The following HSF5 variants were observed in gnomAD, a reference collection of about 807,000 sequenced individuals.
The protein encoded by HSF5 is heat shock factor protein 5.
A neutral mutation model predicts 50.8 loss-of-function variants in HSF5; 5 were observed. The ratio of observed to expected loss-of-function variants is 0.10; its 90% CI spans 0.05 to 0.21. The LOEUF (loss-of-function observed/expected upper bound fraction) is 0.21, where lower values mean the gene tolerates loss of function less well. Ranked by LOEUF, HSF5 falls within the 10% of genes least tolerant of loss-of-function variation. The probability of loss-of-function intolerance (pLI) is 1.00; values close to 1 mark genes in which losing one functional copy is unlikely to be tolerated. For synonymous variants in HSF5, 307 were observed against 307.4 expected, an observed-to-expected ratio of 1.00 and a Z score of 0.02; for missense variants, 564 against 762.6, an observed-to-expected ratio of 0.74 and a Z score of 3.07.
chr17:58,422,876 A>G (rs2143717927), intron 5 of HSF5, among the ~76,000 whole-genome samples: 2 of 152,030 alleles, frequency 1.3e-5, no homozygotes, highest in African/African-American at 4.8e-5. Flanking sequence ...TTATATTTTT[A>G]GTGGAGACGG....
chr17:58,425,677 A>G (rs1397560147), intron 5 of HSF5, among the ~76,000 whole-genome samples: 1 of 151,774 alleles, frequency 6.6e-6, no homozygotes, highest in African/African-American at 2.4e-5. Context: ...AGTAATAATG[A>G]TAATAATGAT....
intron 1 of HSF5, 74 bp downstream of exon 1, chr17:58,487,651 C>G: frequency 7.4e-7 from 1 of 1,343,256 alleles, no homozygotes; most frequent in Non-Finnish European, 9.5e-7. Context: ...TGCGAAAATG[C>G]GCCCTCCAGC....
At chr17:58,462,723 T>C in intron 4 of HSF5, 59 bp downstream of exon 4, 1 of 1,466,934 alleles carries the variant, frequency 6.8e-7, no homozygotes, top group South Asian at 1.3e-5. Flanking sequence ...TAGAATAGTC[T>C]TTAGCAGAAG....
intron 5 of HSF5, among the ~76,000 whole-genome samples, chr17:58,443,880 G>C (rs1974526485): frequency 6.6e-6 from 1 of 152,178 alleles, no homozygotes; most frequent in African/African-American, 2.4e-5. Context: ...GAACAGTATG[G>C]GGAGGTAGTA....
chr17:58,430,269 G>A (rs1974345618), intron 5 of HSF5, among the ~76,000 whole-genome samples: 1 of 151,952 alleles, frequency 6.6e-6, no homozygotes, highest in Non-Finnish European at 1.5e-5. Context: ...ATGGGGTTTT[G>A]CCATGTTGGC....
intron 5 of HSF5, among the ~76,000 whole-genome samples, chr17:58,427,601 A>G (rs1202946141): frequency 6.6e-6 from 1 of 152,236 alleles, no homozygotes; most frequent in Non-Finnish European, 1.5e-5. Flanking sequence ...CTTAATGATA[A>G]TGACAGATGA....
rs980120935 is a variant in HSF5, at chr17:58,420,324, T to C, written c.*2036A>G. The C allele has an allele frequency of 5.3e-5, 8 of 152,214 alleles. No homozygotes were observed. Among genetic ancestry groups the C allele is most frequent in the African/African-American group, 1.9e-4 (8 of 41,450 alleles). 9.4% of individuals were successfully genotyped at this position (152,214 alleles called of 1,614,324 possible). On this transcript the variant is annotated 3_prime_UTR_variant, in exon 6 of 6. Transcript: ENST00000323777. ...GAAGACTTTATTATACCTCTTGCCA[T>C]TTTGCCCAAGTCATTAATGACAGCT...
At chr17:58,476,449 G>A (rs1332247867) in intron 2 of HSF5, 4 of 1,065,884 alleles carry the variant, frequency 3.8e-6, no homozygotes, top group African/African-American at 1.6e-5. Flanking sequence ...TGAACGCTTT[G>A]TCAAATCCAT....
intron 5 of HSF5, among the ~76,000 whole-genome samples, chr17:58,433,257 A>G (rs1974386784): frequency 6.6e-6 from 1 of 152,200 alleles, no homozygotes. Flanking sequence ...TTGGCCTCCT[A>G]AAGTGCTGGG....
chr17:58,455,696 C>T (rs1278392056), intron 5 of HSF5, among the ~76,000 whole-genome samples: 2 of 152,026 alleles, frequency 1.3e-5, no homozygotes, highest in Non-Finnish European at 2.9e-5. Flanking sequence ...AGACATTTCT[C>T]AAAAGAAGAT....
chr17:58,436,461 A>G (rs1974428185), intron 5 of HSF5, among the ~76,000 whole-genome samples: 1 of 151,934 alleles, frequency 6.6e-6, no homozygotes, highest in Non-Finnish European at 1.5e-5. Flanking sequence ...CACAACTCTT[A>G]TGTTTCACAG....
intron 2 of HSF5, among the ~76,000 whole-genome samples, chr17:58,472,302 A>ACC (rs201073971): frequency 1.3e-5 from 2 of 150,880 alleles, no homozygotes; most frequent in Admixed American, 6.6e-5. Flanking sequence ...CCCTAGCTGT[A>ACC]CCCCCCCCAA....
At chr17:58,431,861 G>A (rs1451973357) in intron 5 of HSF5, among the ~76,000 whole-genome samples, 2 of 152,160 alleles carry the variant, frequency 1.3e-5, no homozygotes, top group African/African-American at 2.4e-5. Flanking sequence ...CTAAAAGACT[G>A]CTCATAGAGA....
intron 3 of HSF5, among the ~76,000 whole-genome samples, chr17:58,465,748 T>C (rs1241753282): frequency 6.6e-6 from 1 of 152,030 alleles, no homozygotes; most frequent in Non-Finnish European, 1.5e-5. Context: ...AACACACAAT[T>C]CCAATCTTTG....
Position 58,471,761 on chromosome 17 carries a change from T to C in HSF5, c.926-4782A>G, listed in dbSNP as rs192084021. On this transcript the variant is annotated intron_variant, in intron 2 of 5. Transcript: ENST00000323777. ...CCACCATGCCTGGCCAGATATATAT[T>C]TTCTAATAAAAATTAAAAATATCAC... Among the ~76,000 whole-genome samples, 395 of 151,654 alleles carry C rather than the reference T, an allele frequency of 2.6e-3. 5 individuals carry two copies. Among genetic ancestry groups the C allele is most frequent in the African/African-American group, 9.2e-3 (381 of 41,366 alleles).
intron 1 of HSF5, among the ~76,000 whole-genome samples, chr17:58,487,117 A>C (rs1249156927): frequency 6.6e-6 from 1 of 151,972 alleles, no homozygotes; most frequent in Non-Finnish European, 1.5e-5. Context: ...CCTGTTGGTT[A>C]GGCCGGTCTC....
chr17:58,449,353 T>A (rs143350617), intron 5 of HSF5, among the ~76,000 whole-genome samples: 1,959 of 152,324 alleles, frequency 0.013, 20 homozygotes, highest in Non-Finnish European at 0.02. Flanking sequence ...ATGGATTTTT[T>A]AAAAGACCCA....
chr17:58,475,664 T>C (rs966057381), intron 2 of HSF5, among the ~76,000 whole-genome samples: 4 of 152,072 alleles, frequency 2.6e-5, no homozygotes, highest in African/African-American at 9.7e-5. Flanking sequence ...TTTTCTAAGA[T>C]TTTGTTTTGT....
intron 4 of HSF5, among the ~76,000 whole-genome samples, chr17:58,459,825 C>CA (rs1598193254): frequency 1.3e-5 from 2 of 151,876 alleles, no homozygotes; most frequent in Non-Finnish European, 2.9e-5. Context: ...TTAAAACCAT[C>CA]TTTTTTCTCT....
Sources: gnomAD v4.1 joint callset for allele counts (sites outside exome capture counted in the v4.1 genomes callset) on GRCh38, gnomAD v4.1.1 for gene constraint, MANE v1.5 for transcripts, NCBI Gene and HGNC (gene_info 2026-07-23, HGNC 2026-07-21) for gene names.